MYH10: variants seen among roughly 807,000 people sequenced by gnomAD.
The protein encoded by MYH10 is myosin heavy chain 10.
Under a neutral mutation model 257.8 loss-of-function variants are expected in MYH10, and 55 were observed. The observed-to-expected ratio is 0.21, with a 90% CI of 0.17 to 0.27. MYH10 has a LOEUF of 0.27. MYH10 is among the 10% of genes least tolerant of loss of function. The pLI is 1.00. For missense variants in MYH10, 1,631 were observed against 2,500.6 expected (o/e 0.65, Z 7.42); for synonymous variants, 854 against 921.7 (o/e 0.93, Z 1.33).
chr17:8,546,481 A>G (rs942720555), intron 12 of MYH10, 63 bp downstream of exon 12: 16 of 1,327,392 alleles, frequency 1.2e-5, no homozygotes, highest in Non-Finnish European at 1.7e-5. Context: ...GTCAATCAGA[A>G]GGCCAAATGG....
chr17:8,576,589 G>T, intron 6 of MYH10, 54 bp downstream of exon 6: 1 of 1,509,374 alleles, frequency 6.6e-7, no homozygotes, highest in Non-Finnish European at 9.0e-7. Context: ...TCAATCTACA[G>T]ACAGAAATTA....
rs1567953268 is a variant in MYH10, at chr17:8,592,970, T to TATAA, written c.503-3863_503-3862insTTAT. Among the ~76,000 whole-genome samples the TATAA allele has an allele frequency of 1.2e-3, 141 of 121,950 alleles. 8 individuals are homozygous for TATAA. Among genetic ancestry groups the TATAA allele is most frequent in the Non-Finnish European group, 1.8e-3 (104 of 57,248 alleles). 80.0% of individuals were successfully genotyped at this position (121,950 alleles called of 152,430 possible). On this transcript the variant is annotated intron_variant, in intron 3 of 42. Transcript: ENST00000360416. ...ATATATATATATATATATATATATA[T>TATAA]AAAAGATGATGCACAGAAAGAACAA...
chr17:8,506,136 A>T lies in MYH10; in HGVS notation c.3386+182T>A. 1 of 524,126 alleles carries T rather than the reference A, an allele frequency of 1.9e-6. No individual in the cohort carries two copies. The highest frequency in any genetic ancestry group is 3.5e-5 in the South Asian group (1 of 28,956). 32.5% of individuals were successfully genotyped at this position (524,126 alleles called of 1,614,324 possible). On this transcript the variant is annotated intron_variant, in intron 27 of 42. Transcript: ENST00000360416. This position sits in a 1 kb window ranked among gnomAD's most constrained non-coding sequence, Gnocchi z 5.0. ...TATAAATATTGAGATGGTTTATGAG[A>T]CTTTCTTGCTGTCCTGACACAAATT...
chr17:8,577,350 A>T lies in MYH10; in HGVS notation c.531-12T>A. 2 of 1,590,318 alleles carry T rather than the reference A, an allele frequency of 1.3e-6. No individual in the cohort carries two copies. Among genetic ancestry groups the T allele is most frequent in the Non-Finnish European group, 1.7e-6 (2 of 1,162,764 alleles). The stretch of plus-strand genomic sequence containing the variant: ...CACCTGACTCACCCCTGAAAGAAAG[A>T]GTTAATATAGGCTGCTTTAACGAAA... On this transcript the variant is annotated splice_polypyrimidine_tract_variant and intron_variant, in intron 4 of 42. Transcript: ENST00000360416.
chr17:8,480,353 T>C, intron 39 of MYH10, 35 bp from the exon 40 acceptor site: 1 of 1,613,136 alleles, frequency 6.2e-7, no homozygotes, highest in African/African-American at 1.3e-5. Context: ...CACTTGTGCC[T>C]GAGGGGTGGC....
Position 8,490,082 on chromosome 17 carries a change from G to C in MYH10, c.4884+258C>G, listed in dbSNP as rs1915529689. Among the ~76,000 whole-genome samples the C allele has an allele frequency of 6.6e-6, 1 of 152,124 alleles. No homozygotes were observed. Among genetic ancestry groups the C allele is most frequent in the Non-Finnish European group, 1.5e-5 (1 of 68,030 alleles). On this transcript the variant is annotated intron_variant, in intron 35 of 42. Coordinates refer to ENST00000360416, the MANE Select transcript of MYH10 (RefSeq NM_001256012.3). The surrounding 1 kb of genome is among the most constrained non-coding windows in gnomAD (Gnocchi z 4.1). ...TTGAACCTAACCACGGATTCCTTTG[G>C]GAGTCCACTGAGGGCTTTCTGACTG...
Position 8,546,634 on chromosome 17 carries a change from C to T in MYH10, c.1188G>A (p.Gly396=). The change falls in exon 12 of 43, where the codon GGG becomes GGA. Residue 396 remains glycine, a synonymous_variant. Coordinates refer to ENST00000360416, the MANE Select transcript of MYH10 (RefSeq NM_001256012.3). ...CCCGAGTAAACTCCATCACATTCAT[C>T]CCAAGAAGATGGCAGAGCTTCTGCG... ...TVAQKLCHLL[G]MNVMEFTRAI... The T allele has an allele frequency of 1.2e-6, 2 of 1,614,010 alleles. No individual in the cohort carries two copies. The highest frequency in any genetic ancestry group is 1.7e-6 in the Non-Finnish European group (2 of 1,179,958).
chr17:8,564,588 G>A (rs1448165541), intron 7 of MYH10, among the ~76,000 whole-genome samples: 2 of 152,198 alleles, frequency 1.3e-5, no homozygotes, highest in African/African-American at 4.8e-5. Context: ...CCAATATGAA[G>A]GTGTGCTCTA....
intron 17 of MYH10, among the ~76,000 whole-genome samples, chr17:8,522,850 G>A (rs936615400): frequency 1.3e-5 from 2 of 152,108 alleles, no homozygotes; most frequent in African/African-American, 4.8e-5. Context: ...CCCAGTGCTT[G>A]TTTTTCTTGA....
At position 8,496,023 on chromosome 17, in the gene MYH10, G is replaced by A. The variant is rs189344295; in HGVS notation, c.3952-782C>T. Among the ~76,000 whole-genome samples the A allele has an allele frequency of 1.6e-3, 239 of 152,086 alleles. 1 individual carries two copies. Among genetic ancestry groups the A allele is most frequent in the African/African-American group, 5.6e-3 (231 of 41,500 alleles). ...CACACCCGGCTGGAAGTTCTTTTAG[G>A]TTTCAAAAAACTGGTATTATATGTT... On this transcript the variant is annotated intron_variant, in intron 30 of 42. Coordinates refer to ENST00000360416, the MANE Select transcript of MYH10 (RefSeq NM_001256012.3).
chr17:8,621,673 A>C (rs1227308950), intron 2 of MYH10, among the ~76,000 whole-genome samples: 3 of 151,896 alleles, frequency 2.0e-5, no homozygotes, highest in Non-Finnish European at 4.4e-5. Context: ...GTGGCCTCTT[A>C]CTCTCCTACC....
At chr17:8,522,282 T>G (rs1796575434) in intron 17 of MYH10, among the ~76,000 whole-genome samples, 1 of 152,230 alleles carries the variant, frequency 6.6e-6, no homozygotes, top group African/African-American at 2.4e-5. Context: ...TGAAGAGCTT[T>G]ATGTGCAAGA....
At chr17:8,571,461 C>T (rs952105451) in intron 6 of MYH10, among the ~76,000 whole-genome samples, 28 of 151,916 alleles carry the variant, frequency 1.8e-4, no homozygotes, top group African/African-American at 6.5e-4. Flanking sequence ...TCCTGAACAA[C>T]TTTGATGACT....
At chr17:8,573,473 G>A (rs555469465) in intron 6 of MYH10, among the ~76,000 whole-genome samples, 1 of 152,332 alleles carries the variant, frequency 6.6e-6, no homozygotes, top group African/African-American at 2.4e-5. Flanking sequence ...TGGAAACACA[G>A]GGAGACAAGT....
At chr17:8,546,951 G>A (rs531642863) in intron 11 of MYH10, among the ~76,000 whole-genome samples, 144 of 152,242 alleles carry the variant, frequency 9.5e-4, no homozygotes, top group African/African-American at 3.4e-3. Flanking sequence ...AGGATGGAGT[G>A]TAGTGGCTAT....
rs1328015758 is a variant in MYH10 at position 8,474,454 on chromosome 17, TA to T, written c.*1349del. ...CCAAACCCACAGGACAAATTCTTCC[TA>T]ATAGATGTTAAAGCTTTTAACCCAA... On this transcript the variant is annotated 3_prime_UTR_variant, in exon 43 of 43. Transcript: ENST00000360416. The T allele has an allele frequency of 6.6e-6, 1 of 152,624 alleles. No homozygotes were observed. Among genetic ancestry groups the T allele is most frequent in the African/African-American group, 2.4e-5 (1 of 41,462 alleles). 9.5% of individuals were successfully genotyped at this position (152,624 alleles called of 1,614,324 possible).
intron 3 of MYH10, among the ~76,000 whole-genome samples, chr17:8,599,734 A>G (rs1169605970): frequency 2.6e-5 from 4 of 152,248 alleles, no homozygotes; most frequent in African/African-American, 9.6e-5. Flanking sequence ...TGCTAATGTT[A>G]GGAGCCTATA....
At chr17:8,523,755 G>A (rs1567845192) in intron 17 of MYH10, among the ~76,000 whole-genome samples, 1 of 152,210 alleles carries the variant, frequency 6.6e-6, no homozygotes, top group Admixed American at 6.5e-5. Flanking sequence ...AAGACAGATC[G>A]AGAAGGAAGA....
chr17:8,489,739 A>ACACACACACACACACACACACACACC (rs1401430644), intron 35 of MYH10, among the ~76,000 whole-genome samples: 3 of 151,260 alleles, frequency 2.0e-5, no homozygotes, highest in African/African-American at 7.3e-5. Flanking sequence ...ACACACACAC[A>ACACACACACACACACACACACACACC]CACACACCCC....
Sources: gnomAD v4.1 joint callset for allele counts (sites outside exome capture counted in the v4.1 genomes callset) on GRCh38, gnomAD v4.1.1 for gene constraint, Gnocchi (gnomAD v3.1) non-coding constraint, MANE v1.5 for transcripts, NCBI Gene and HGNC (gene_info 2026-07-23, HGNC 2026-07-21) for gene names.